Variants in ZNF140 observed in about 807,000 individuals in gnomAD.
ZNF140 encodes the protein zinc finger protein 140 (clone pHZ-39).
Under a neutral mutation model 12.9 loss-of-function variants are expected in ZNF140, and 13 were observed. The ratio of observed to expected loss-of-function variants is 1.01; its 90% CI spans 0.66 to 1.60. ZNF140 has a LOEUF of 1.60. ZNF140 is among the 40% of genes most tolerant of loss of function. ZNF140 has a pLI of 0.00. For missense variants in ZNF140, 531 were observed against 548.8 expected (o/e 0.97, Z 0.32); for synonymous variants, 214 against 186.7 (o/e 1.15, Z -1.19).
chr12:133,086,394 C>G (rs1954677610), intron 4 of ZNF140, among the ~76,000 whole-genome samples: 1 of 152,322 alleles, frequency 6.6e-6, no homozygotes, highest in South Asian at 2.1e-4. Flanking sequence ...GTGGTTTAAA[C>G]TTGCATTTGT....
At chr12:133,096,023 A>C (rs11833317) in intron 4 of ZNF140, among the ~76,000 whole-genome samples, 9,242 of 143,236 alleles carry the variant, frequency 0.065, 455 homozygotes, top group East Asian at 0.11. Flanking sequence ...CTCTTTTACC[A>C]ATCCACCTCA....
At chr12:133,100,886 G>C in intron 4 of ZNF140, 1 of 389,152 alleles carries the variant, frequency 2.6e-6, no homozygotes. Context: ...GTGGGGTGGA[G>C]CAGGATGGTG....
chr12:133,093,323 G>A (rs1954956351), intron 4 of ZNF140: 1 of 641,676 alleles, frequency 1.6e-6, no homozygotes, highest in South Asian at 1.7e-5. Context: ...AGCGGCTCCT[G>A]CAGACATAGG....
At position 133,106,523 on chromosome 12, in the gene ZNF140, A is replaced by G; in HGVS notation, c.1246A>G (p.Lys416Glu). 6.2e-7 allele frequency: 1 copy of G among 1,614,084 alleles called. No homozygotes were observed. Residue 416 changes from lysine (K) to glutamate (E), a missense_variant, in exon 5 of 5, where the codon AAG becomes GAG. Coordinates refer to ENST00000355557, the MANE Select transcript of ZNF140 (RefSeq NM_003440.4). ...THTGEKPYVC[K>E]VCNKSFSWSS... ...TACTGGAGAGAAACCCTATGTATGT[A>G]AGGTATGCAACAAATCCTTCAGCTG... is the stretch of plus-strand genomic sequence containing the variant.
At chr12:133,102,808 GT>G (rs1233173622) in intron 4 of ZNF140, among the ~76,000 whole-genome samples, 1 of 151,828 alleles carries the variant, frequency 6.6e-6, no homozygotes, top group African/African-American at 2.4e-5. Context: ...TAAGTACTGA[GT>G]TTCCTCAAAT....
At chr12:133,083,288 A>C in intron 3 of ZNF140, 59 bp downstream of exon 3, 7 of 1,571,122 alleles carry the variant, frequency 4.5e-6, no homozygotes, top group Non-Finnish European at 5.2e-6. Context: ...TGGCTGTTAT[A>C]ATTATCTGGC....
At chr12:133,096,308 C>G (rs920793345) in intron 4 of ZNF140, among the ~76,000 whole-genome samples, 2 of 149,772 alleles carry the variant, frequency 1.3e-5, no homozygotes, top group Non-Finnish European at 3.0e-5. Flanking sequence ...TTATACAACA[C>G]GTTTTTGTGA....
chr12:133,088,097 T>C (rs943614163), intron 4 of ZNF140, among the ~76,000 whole-genome samples: 31 of 149,830 alleles, frequency 2.1e-4, no homozygotes, highest in African/African-American at 7.4e-4. Context: ...GCCATTGCAC[T>C]CCGGCCTGGG....
intron 4 of ZNF140, chr12:133,084,037 A>G (rs939120775): frequency 1.0e-4 from 34 of 336,190 alleles, no homozygotes; most frequent in African/African-American, 7.4e-4. Context: ...TTCATACCCA[A>G]TTCTGTTTTT....
intron 4 of ZNF140, among the ~76,000 whole-genome samples, chr12:133,096,179 A>AT (rs148482523): frequency 0.25 from 37,926 of 151,128 alleles, 5,225 homozygotes; most frequent in African/African-American, 0.3. Context: ...TCTGCAGTGC[A>AT]TGTGCCCCTG....
intron 4 of ZNF140, among the ~76,000 whole-genome samples, chr12:133,091,243 C>G (rs1332627633): frequency 6.7e-6 from 1 of 150,374 alleles, no homozygotes; most frequent in African/African-American, 2.5e-5. Flanking sequence ...TTCTGCAGTG[C>G]ACTGTGCCCT....
intron 4 of ZNF140, among the ~76,000 whole-genome samples, chr12:133,096,114 T>G (rs1158990802): frequency 5.9e-5 from 9 of 151,750 alleles, no homozygotes; most frequent in Admixed American, 2.0e-4. Context: ...GACTATCACA[T>G]GGGGAGAAAC....
At chr12:133,097,818 C>CGTGTGTGTGTGTGTGTGTGTGTGT (rs1377287336) in intron 4 of ZNF140, among the ~76,000 whole-genome samples, 1,096 of 106,520 alleles carry the variant, frequency 0.01, 20 homozygotes, top group Non-Finnish European at 0.016. Context: ...CACATCTAAC[C>CGTGTGTGTGTGTGTGTGTGTGTGT]ATGTGTGTGT....
chr12:133,082,987 C>T, intron 2 of ZNF140, 116 bp from the exon 3 acceptor site: 2 of 1,480,706 alleles, frequency 1.4e-6, no homozygotes, highest in East Asian at 2.3e-5. Flanking sequence ...TGAAAACTCT[C>T]ACTGTTACTA....
intron 4 of ZNF140, among the ~76,000 whole-genome samples, chr12:133,102,645 A>G (rs1304235206): frequency 6.6e-6 from 1 of 151,752 alleles, no homozygotes; most frequent in Non-Finnish European, 1.5e-5. Flanking sequence ...GCTACTCGGG[A>G]GGCTGAGGCA....
chr12:133,094,628 T>C, intron 4 of ZNF140, among the ~76,000 whole-genome samples: 1 of 151,122 alleles, frequency 6.6e-6, no homozygotes, highest in Admixed American at 6.6e-5. Context: ...CCCCCAACTT[T>C]TCCTTAGAGA....
chr12:133,085,484 A>G (rs953785675), intron 4 of ZNF140, among the ~76,000 whole-genome samples: 3 of 152,192 alleles, frequency 2.0e-5, no homozygotes, highest in Admixed American at 1.3e-4. Flanking sequence ...CAGTCACGTG[A>G]CCAAGGTCAA....
intron 4 of ZNF140, among the ~76,000 whole-genome samples, chr12:133,096,219 T>G (rs1432937895): frequency 1.3e-5 from 2 of 152,000 alleles, no homozygotes; most frequent in Non-Finnish European, 2.9e-5. Context: ...TGGCGATGAC[T>G]TTTACCAAGT....
At chr12:133,095,452 C>A (rs1382222515) in intron 4 of ZNF140, among the ~76,000 whole-genome samples, 2 of 150,608 alleles carry the variant, frequency 1.3e-5, no homozygotes, top group Non-Finnish European at 3.0e-5. Context: ...TAGAGAAAGG[C>A]CCCCACATCG....
Sources: gnomAD v4.1 joint callset for allele counts (sites outside exome capture counted in the v4.1 genomes callset) on GRCh38, gnomAD v4.1.1 for gene constraint, MANE v1.5 for transcripts, NCBI Gene and HGNC (gene_info 2026-07-23, HGNC 2026-07-21) for gene names.